Variants in DYM observed in about 807,000 individuals in gnomAD.
DYM encodes dyggve-Melchior-Clausen syndrome protein.
DYM carries 78 observed loss-of-function variants against 93.1 expected under a neutral mutation model. That is an observed-to-expected ratio of 0.84 (90% CI 0.70 to 1.01). The LOEUF (loss-of-function observed/expected upper bound fraction) is 1.01. Among genes scored for constraint, DYM ranks in the 50% least tolerant of loss-of-function variants. The probability of loss-of-function intolerance (pLI) is 0.00; values close to 1 mark genes in which losing one functional copy is unlikely to be tolerated. For synonymous variants in DYM, 321 were observed against 319.7 expected (o/e 1.00, Z -0.04); for missense variants, 789 against 845.0 (o/e 0.93, Z 0.82).
chr18:49,238,361 T>C (rs2093934798), intron 13 of DYM, among the ~76,000 whole-genome samples: 1 of 152,134 alleles, frequency 6.6e-6, no homozygotes, highest in African/African-American at 2.4e-5. Flanking sequence ...TTTAGGCAAA[T>C]TGGTTACTGC....
At chr18:49,185,271 GCAA>G (rs1232229502) in intron 14 of DYM, among the ~76,000 whole-genome samples, 1 of 152,146 alleles carries the variant, frequency 6.6e-6, no homozygotes, top group African/African-American at 2.4e-5. Context: ...ATCATTTATA[GCAA>G]CAACAGAACC....
chr18:49,103,843 C>T (rs9950414), intron 16 of DYM, among the ~76,000 whole-genome samples: 19,043 of 150,410 alleles, frequency 0.13, 1,547 homozygotes, highest in African/African-American at 0.23. Flanking sequence ...AGTCAGGTAG[C>T]GTGATGCCTC....
chr18:49,111,823 T>C (rs1042568795), intron 16 of DYM, among the ~76,000 whole-genome samples: 5 of 152,164 alleles, frequency 3.3e-5, no homozygotes, highest in Admixed American at 1.3e-4. Context: ...CTCTACGTGC[T>C]GTCCTAAGAC....
Position 49,038,715 on chromosome 18 carries a change from C to G in DYM, c.*5340G>C, listed in dbSNP as rs1599274736. Among the ~76,000 whole-genome samples, 1 of 152,276 alleles carries G rather than the reference C, an allele frequency of 6.6e-6. No homozygotes were observed. The highest frequency in any genetic ancestry group is 1.9e-4 in the East Asian group (1 of 5,184). ...TCTGCTTTTTCTTCTTTCTTAGACTCTTTTGCAATTCTTAAATCTTCCACT... is the reference window on the plus strand; with the variant it reads ...TCTGCTTTTTCTTCTTTCTTAGACTGTTTTGCAATTCTTAAATCTTCCACT... On this transcript the variant is annotated 3_prime_UTR_variant, in exon 18 of 18. Transcript: ENST00000675505.
chr18:49,107,965 T>C (rs902938814), intron 16 of DYM, among the ~76,000 whole-genome samples: 4 of 152,224 alleles, frequency 2.6e-5, no homozygotes, highest in African/African-American at 9.6e-5. Flanking sequence ...CTGCAGAGGA[T>C]TCTGCTGCCT....
At chr18:49,454,414 C>T (rs1466501501) in intron 1 of DYM, among the ~76,000 whole-genome samples, 1 of 152,152 alleles carries the variant, frequency 6.6e-6, no homozygotes, top group Non-Finnish European at 1.5e-5. Flanking sequence ...AAAATGGCGG[C>T]TCCATCTTCC....
At chr18:49,157,597 A>G (rs1388338959) in intron 15 of DYM, among the ~76,000 whole-genome samples, 1 of 152,158 alleles carries the variant, frequency 6.6e-6, no homozygotes, top group African/African-American at 2.4e-5. Context: ...ACAAAATATA[A>G]TATTTGCCCA....
chr18:49,413,716 G>A (rs1470491693), intron 2 of DYM, among the ~76,000 whole-genome samples: 1 of 152,122 alleles, frequency 6.6e-6, no homozygotes, highest in African/African-American at 2.4e-5. Flanking sequence ...GAACTTTGAA[G>A]GCATTATACT....
At chr18:49,217,644 C>T (rs1252627252) in intron 13 of DYM, among the ~76,000 whole-genome samples, 1 of 152,138 alleles carries the variant, frequency 6.6e-6, no homozygotes, top group Non-Finnish European at 1.5e-5. Context: ...ATTTCATATC[C>T]AGCCAAACTA....
At chr18:49,388,395 T>C (rs928297497) in intron 3 of DYM, among the ~76,000 whole-genome samples, 1 of 151,220 alleles carries the variant, frequency 6.6e-6, no homozygotes, top group African/African-American at 2.4e-5. Flanking sequence ...AGAAAATATC[T>C]CATTGAAGGT....
intron 11 of DYM, among the ~76,000 whole-genome samples, chr18:49,271,561 C>A (rs1000399299): frequency 7.2e-5 from 11 of 151,856 alleles, no homozygotes; most frequent in Admixed American, 7.2e-4. Context: ...AAAGCATTTG[C>A]CTTACAGGAG....
chr18:49,458,284 C>T (rs2083171478), intron 1 of DYM, among the ~76,000 whole-genome samples: 1 of 151,744 alleles, frequency 6.6e-6, no homozygotes, highest in Non-Finnish European at 1.5e-5. Flanking sequence ...AAAAAGCCTA[C>T]CAAAGTGACA....
intron 15 of DYM, among the ~76,000 whole-genome samples, chr18:49,158,688 G>A (rs1228319486): frequency 6.6e-6 from 1 of 152,092 alleles, no homozygotes; most frequent in Non-Finnish European, 1.5e-5. Flanking sequence ...AAGTAAGAAC[G>A]TGTGATGTTT....
intron 8 of DYM, among the ~76,000 whole-genome samples, chr18:49,286,865 A>C (rs1367844016): frequency 6.6e-6 from 1 of 152,216 alleles, no homozygotes; most frequent in Admixed American, 6.5e-5. Flanking sequence ...TTTGTAAAAA[A>C]GTGAATGAAA....
intron 16 of DYM, among the ~76,000 whole-genome samples, chr18:49,101,528 G>C (rs553386642): frequency 2.8e-4 from 42 of 152,280 alleles, no homozygotes; most frequent in African/African-American, 9.6e-4. Flanking sequence ...TAATAGAAAT[G>C]AGAAGCTTTT....
chr18:49,294,254 C>A (rs1380399731), intron 8 of DYM, among the ~76,000 whole-genome samples: 1 of 152,142 alleles, frequency 6.6e-6, no homozygotes, highest in African/African-American at 2.4e-5. Context: ...TAGCATGATG[C>A]CTCCAGCTTT....
intron 3 of DYM, among the ~76,000 whole-genome samples, chr18:49,384,063 C>T (rs1176463705): frequency 2.6e-5 from 4 of 152,140 alleles, no homozygotes; most frequent in African/African-American, 9.7e-5. Flanking sequence ...GTAGCACACG[C>T]CTGTAATCCC....
chr18:49,236,759 C>T (rs1252054734), intron 13 of DYM, among the ~76,000 whole-genome samples: 5 of 152,150 alleles, frequency 3.3e-5, no homozygotes, highest in Admixed American at 2.6e-4. Context: ...CCGTAGGAGC[C>T]GGGCCTGCAG....
intron 2 of DYM, among the ~76,000 whole-genome samples, chr18:49,392,315 G>C (rs2069355072): frequency 6.6e-6 from 1 of 151,874 alleles, no homozygotes; most frequent in African/African-American, 2.4e-5. Flanking sequence ...ACACCAAAAA[G>C]CACAGGTATC....
Sources: allele counts gnomAD v4.1 joint callset (sites outside exome capture counted in the v4.1 genomes callset), GRCh38; gene constraint gnomAD v4.1.1; transcripts MANE v1.5; gene names NCBI Gene and HGNC (gene_info 2026-07-23, HGNC 2026-07-21).